NALF1: variants seen among roughly 807,000 people sequenced by gnomAD.
NALF1 encodes the protein NALCN channel auxiliary factor 1.
Under a neutral mutation model 48.4 loss-of-function variants are expected in NALF1, and 3 were observed. That is an observed-to-expected ratio of 0.06 (90% CI 0.03 to 0.16). The LOEUF (loss-of-function observed/expected upper bound fraction) is 0.16, where lower values mean the gene tolerates loss of function less well. Among genes scored for constraint, NALF1 ranks in the 10% least tolerant of loss-of-function variants. The pLI, the probability that NALF1 is intolerant of heterozygous loss-of-function variation, is 1.00. For missense variants in NALF1, 526 were observed against 571.5 expected (o/e 0.92, Z 0.81); for synonymous variants, 262 against 245.7 (o/e 1.07, Z -0.62).
At chr13:107,346,698 A>T (rs1028980693) in intron 1 of NALF1, among the ~76,000 whole-genome samples, 1 of 152,200 alleles carries the variant, frequency 6.6e-6, no homozygotes, top group Admixed American at 6.5e-5. Context: ...TTGCTCAATG[A>T]TATGCATATA....
At chr13:107,317,127 A>T (rs1318862536) in intron 1 of NALF1, among the ~76,000 whole-genome samples, 3 of 152,150 alleles carry the variant, frequency 2.0e-5, no homozygotes, top group Admixed American at 2.0e-4. Context: ...CAAGAACTCA[A>T]ATAATACTTA....
chr13:107,717,366 G>A (rs74112582), intron 1 of NALF1, among the ~76,000 whole-genome samples: 13,098 of 152,120 alleles, frequency 0.086, 1,276 homozygotes, highest in East Asian at 0.41. Flanking sequence ...TGAAGTCCCA[G>A]CACATACCCA....
intron 1 of NALF1, among the ~76,000 whole-genome samples, chr13:107,611,303 T>TA (rs1879218572): frequency 6.6e-6 from 1 of 152,094 alleles, no homozygotes; most frequent in African/African-American, 2.4e-5. Flanking sequence ...CTCAAAAAAT[T>TA]AAAAATAGAA....
At chr13:107,342,177 T>C (rs533572288) in intron 1 of NALF1, among the ~76,000 whole-genome samples, 1 of 152,266 alleles carries the variant, frequency 6.6e-6, no homozygotes, top group African/African-American at 2.4e-5. Context: ...TGAAGACTAA[T>C]GGAACAAACA....
intron 1 of NALF1, among the ~76,000 whole-genome samples, chr13:107,451,543 A>G (rs944672163): frequency 6.6e-6 from 1 of 152,206 alleles, no homozygotes; most frequent in Non-Finnish European, 1.5e-5. Flanking sequence ...TAGCTAGGAT[A>G]AGCAGCATGT....
At chr13:107,638,201 A>ATATATATATG (rs372122331) in intron 1 of NALF1, among the ~76,000 whole-genome samples, 9 of 110,848 alleles carry the variant, frequency 8.1e-5, no homozygotes, top group African/African-American at 1.7e-4. Flanking sequence ...ATATATATAT[A>ATATATATATG]TATATAATTT....
intron 1 of NALF1, among the ~76,000 whole-genome samples, chr13:107,641,567 AAAC>A (rs1402087374): frequency 2.6e-5 from 4 of 152,208 alleles, no homozygotes; most frequent in African/African-American, 9.6e-5. Flanking sequence ...TAGTTGGAAA[AAAC>A]AAATAGAGAT....
chr13:107,367,502 C>T (rs551242447), intron 1 of NALF1, among the ~76,000 whole-genome samples: 91 of 152,294 alleles, frequency 6.0e-4, no homozygotes, highest in African/African-American at 2.1e-3. Context: ...ATTCCCGTCT[C>T]TCCCAGCTGA....
At chr13:107,438,714 A>T (rs1884502258) in intron 1 of NALF1, among the ~76,000 whole-genome samples, 1 of 150,486 alleles carries the variant, frequency 6.6e-6, no homozygotes, top group Admixed American at 6.7e-5. Flanking sequence ...AGTCTCAGCA[A>T]CTCAGGAGGC....
intron 1 of NALF1, among the ~76,000 whole-genome samples, chr13:107,697,283 T>C (rs1415085510): frequency 6.6e-6 from 1 of 152,136 alleles, no homozygotes; most frequent in South Asian, 2.1e-4. Flanking sequence ...ATGTTTTATA[T>C]GGCTCTGCTA....
intron 1 of NALF1, among the ~76,000 whole-genome samples, chr13:107,634,451 T>A (rs866390263): frequency 1.9e-4 from 29 of 152,306 alleles, no homozygotes; most frequent in East Asian, 7.7e-4. Flanking sequence ...ATGAATTTTT[T>A]AAAAAATTAA....
chr13:107,865,737 T>C lies in NALF1; in HGVS notation c.860A>G (p.His287Arg), dbSNP rs1438901227. 2 of 1,614,064 alleles carry C rather than the reference T, an allele frequency of 1.2e-6. No homozygotes were observed. The highest frequency in any genetic ancestry group is 1.7e-6 in the Non-Finnish European group (2 of 1,180,020). ...GTACTCCTCCGACTGTAAATATTTG[T>C]GGAGCACGCTTTCAAACTCTTCGTA... Reference protein sequence around the residue: ...EKYEEFESVLHKYLQSEEYSV... With the variant: ...EKYEEFESVLRKYLQSEEYSV... Residue 287 changes from histidine to arginine, a missense_variant, in exon 1 of 3, where the codon CAC becomes CGC. His to Arg is a conservative substitution (Grantham distance 29, BLOSUM62 0). Around this residue, in one of 2 missense-constraint regions of NALF1, gnomAD observed 153 missense variants for 215.9 expected, o/e 0.71. Coordinates refer to ENST00000375915, the MANE Select transcript of NALF1 (RefSeq NM_001080396.3).
intron 1 of NALF1, among the ~76,000 whole-genome samples, chr13:107,847,796 T>G (rs1294128556): frequency 6.6e-6 from 1 of 152,182 alleles, no homozygotes; most frequent in East Asian, 1.9e-4. Context: ...ACAGCTAAGC[T>G]GCGTCCACAT....
chr13:107,329,757 T>C (rs940404131), intron 1 of NALF1, among the ~76,000 whole-genome samples: 3 of 151,716 alleles, frequency 2.0e-5, no homozygotes, highest in African/African-American at 7.3e-5. Context: ...CATGCGGTGT[T>C]TGGCTTTTGT....
chr13:107,625,335 T>G (rs781671671), intron 1 of NALF1, among the ~76,000 whole-genome samples: 1 of 152,128 alleles, frequency 6.6e-6, no homozygotes, highest in Non-Finnish European at 1.5e-5. Context: ...TTGACTTTCT[T>G]GCGTTTAGCA....
chr13:107,863,782 T>C (rs1880639899), intron 1 of NALF1, among the ~76,000 whole-genome samples: 7 of 152,182 alleles, frequency 4.6e-5, no homozygotes, highest in Admixed American at 4.6e-4. Context: ...GAGAGGTAAT[T>C]TAGGTTAAGG....
At chr13:107,842,458 TA>T (rs1296616984) in intron 1 of NALF1, among the ~76,000 whole-genome samples, 1 of 151,856 alleles carries the variant, frequency 6.6e-6, no homozygotes, top group Non-Finnish European at 1.5e-5. Context: ...GTAAATTACC[TA>T]AAAAGGTTAA....
intron 1 of NALF1, among the ~76,000 whole-genome samples, chr13:107,695,393 C>A (rs1881675686): frequency 6.6e-6 from 1 of 152,024 alleles, no homozygotes. Context: ...CATAAGTCGA[C>A]CGTAAGGTTA....
chr13:107,753,198 G>C (rs560352397), intron 1 of NALF1, among the ~76,000 whole-genome samples: 4 of 152,260 alleles, frequency 2.6e-5, no homozygotes, highest in South Asian at 4.1e-4. Context: ...TCATCCACAG[G>C]CCTTTCCTAT....
Sources: gnomAD v4.1 joint callset for allele counts (sites outside exome capture counted in the v4.1 genomes callset) on GRCh38, gnomAD v4.1.1 for gene constraint, gnomAD v4.1.1 regional missense constraint, MANE v1.5 for transcripts, NCBI Gene and HGNC (gene_info 2026-07-23, HGNC 2026-07-21) for gene names.